KCNJ16: variants seen among roughly 807,000 people sequenced by gnomAD.
KCNJ16 encodes potassium inwardly rectifying channel subfamily J member 16.
Under a neutral mutation model 18.5 loss-of-function variants are expected in KCNJ16, and 15 were observed. The ratio of observed to expected loss-of-function variants is 0.81; its 90% CI spans 0.54 to 1.25. The LOEUF is 1.25. KCNJ16 is among the 50% of genes most tolerant of loss of function. KCNJ16 has a pLI of 0.00. For missense variants in KCNJ16, 523 were observed against 525.7 expected (o/e 0.99, Z 0.05); for synonymous variants, 174 against 186.5 (o/e 0.93, Z 0.55).
chr17:70,119,905 A>G (rs2073563205), intron 2 of KCNJ16, among the ~76,000 whole-genome samples: 1 of 152,220 alleles, frequency 6.6e-6, no homozygotes, highest in Non-Finnish European at 1.5e-5. Context: ...CTCCCCAAAA[A>G]GCCTTTCCTT....
At chr17:70,096,054 T>G (rs2072356644) in intron 1 of KCNJ16, among the ~76,000 whole-genome samples, 1 of 151,816 alleles carries the variant, frequency 6.6e-6, no homozygotes, top group Non-Finnish European at 1.5e-5. Context: ...GGCTAATTTT[T>G]TGTATTTTTG....
At chr17:70,092,743 A>G (rs12709249) in intron 1 of KCNJ16, among the ~76,000 whole-genome samples, 129,096 of 152,132 alleles carry the variant, frequency 0.85, 54,851 homozygotes, top group East Asian at 0.96. Context: ...AGAATTTTGG[A>G]AGCCAATGGT....
At chr17:70,118,240 C>G (rs2073488853) in intron 2 of KCNJ16, among the ~76,000 whole-genome samples, 1 of 151,932 alleles carries the variant, frequency 6.6e-6, no homozygotes. Flanking sequence ...AGGGGAACAT[C>G]ACACACTGGG....
At chr17:70,094,599 A>G (rs1294359815) in intron 1 of KCNJ16, among the ~76,000 whole-genome samples, 1 of 146,294 alleles carries the variant, frequency 6.8e-6, no homozygotes, top group Non-Finnish European at 1.5e-5. Flanking sequence ...GCACTTATTT[A>G]TTAGTCAATG....
At chr17:70,118,380 C>T (rs912686421) in intron 2 of KCNJ16, among the ~76,000 whole-genome samples, 1 of 151,286 alleles carries the variant, frequency 6.6e-6, no homozygotes. Context: ...GCATGTTCTG[C>T]ACATGTATCC....
chr17:70,122,012 C>G (rs2073659896), intron 2 of KCNJ16, among the ~76,000 whole-genome samples: 1 of 151,934 alleles, frequency 6.6e-6, no homozygotes, highest in East Asian at 1.9e-4. Context: ...AAATAGGAGA[C>G]CTCTTAGGAA....
Position 70,119,824 on chromosome 17 carries a change from AGCACTTGGCTCCCTTTTAGTTAT to A in KCNJ16, c.-190-11050_-190-11028del, listed in dbSNP as rs578211958. ...GCCTTTTCCCATTGTGCTGGATATT[AGCACTTGGCTCCCTTTTAGTTAT>A]GCACATATCTCTAGCAAGTGGTTGC... On this transcript the variant is annotated intron_variant, in intron 2 of 3. Transcript: ENST00000392671. Among the ~76,000 whole-genome samples, 406 of 152,338 alleles carry A rather than the reference AGCACTTGGCTCCCTTTTAGTTAT, an allele frequency of 2.7e-3. 1 individual carries two copies. Among genetic ancestry groups the A allele is most frequent in the African/African-American group, 9.3e-3 (388 of 41,580 alleles).
At chr17:70,084,415 G>T (rs964247558) in intron 1 of KCNJ16, among the ~76,000 whole-genome samples, 1 of 152,168 alleles carries the variant, frequency 6.6e-6, no homozygotes, top group Non-Finnish European at 1.5e-5. Context: ...AGAACGGCTT[G>T]CTTCTTTAAC....
At chr17:70,108,374 C>T (rs1293727548) in intron 2 of KCNJ16, 1 of 152,138 alleles carries the variant, frequency 6.6e-6, no homozygotes, top group African/African-American at 2.4e-5. Context: ...CAGTTGAGGT[C>T]AGGGAAGGTA....
intron 1 of KCNJ16, among the ~76,000 whole-genome samples, chr17:70,092,517 G>GATAGATAC (rs1567782349): frequency 2.5e-5 from 1 of 39,682 alleles, no homozygotes; most frequent in African/African-American, 9.2e-5. Flanking sequence ...TAGATAGATA[G>GATAGATAC]ATAGATACAT....
intron 2 of KCNJ16, among the ~76,000 whole-genome samples, chr17:70,106,982 A>G (rs145672510): frequency 1.3e-5 from 2 of 152,118 alleles, no homozygotes; most frequent in South Asian, 4.1e-4. Context: ...CTTTTTCCTG[A>G]TGGTTTCTTC....
intron 1 of KCNJ16, among the ~76,000 whole-genome samples, chr17:70,083,899 G>C (rs2071672079): frequency 6.6e-6 from 1 of 152,154 alleles, no homozygotes; most frequent in South Asian, 2.1e-4. Context: ...GTGAGGATTA[G>C]CTAGAAGCCA....
At chr17:70,121,708 T>A (rs2073646457) in intron 2 of KCNJ16, among the ~76,000 whole-genome samples, 1 of 152,022 alleles carries the variant, frequency 6.6e-6, no homozygotes, top group Non-Finnish European at 1.5e-5. Flanking sequence ...GGCCAGCAGA[T>A]CACTTGAGGC....
At chr17:70,103,909 G>A (rs2072787906) in intron 2 of KCNJ16, among the ~76,000 whole-genome samples, 1 of 150,788 alleles carries the variant, frequency 6.6e-6, no homozygotes, top group Non-Finnish European at 1.5e-5. Flanking sequence ...GCTATTTATT[G>A]GGTAATGGTT....
intron 2 of KCNJ16, among the ~76,000 whole-genome samples, chr17:70,129,572 G>A (rs986538321): frequency 1.3e-5 from 2 of 152,172 alleles, no homozygotes; most frequent in Admixed American, 1.3e-4. Context: ...TATCGTTGGA[G>A]AGTCAAGAAA....
chr17:70,113,291 T>C (rs981134055), intron 2 of KCNJ16, among the ~76,000 whole-genome samples: 2 of 152,138 alleles, frequency 1.3e-5, no homozygotes, highest in African/African-American at 2.4e-5. Context: ...TCTAGCAGCG[T>C]CTTTCTCACT....
At chr17:70,089,013 G>A (rs1311042678) in intron 1 of KCNJ16, among the ~76,000 whole-genome samples, 1 of 151,998 alleles carries the variant, frequency 6.6e-6, no homozygotes, top group African/African-American at 2.4e-5. Context: ...TTTTAGTCTC[G>A]TTTCCACCAG....
chr17:70,130,995 C>T lies in KCNJ16; in HGVS notation c.-94+20C>T. 6.5e-7 allele frequency: 1 copy of T among 1,533,332 alleles called. No individual in the cohort carries two copies. Among genetic ancestry groups the T allele is most frequent in the Middle Eastern group, 1.7e-4 (1 of 5,986 alleles). The allele number at this position is 1,533,332 out of a possible 1,614,324, so 95.0% of individuals were successfully genotyped here. A position where few individuals can be genotyped will look rare whatever the true frequency, so the allele number is the denominator to read the frequency against. On this transcript the variant is annotated intron_variant, in intron 3 of 3. Coordinates refer to ENST00000392671, the MANE Select transcript of KCNJ16 (RefSeq NM_170741.4). ...AAAATGGTAAGAGCTGCATGTTCTG[C>T]CTTGATGTTTTCAAGACTGAATTTG... is the stretch of plus-strand genomic sequence containing the variant.
intron 2 of KCNJ16, among the ~76,000 whole-genome samples, chr17:70,117,416 T>A (rs1276597678): frequency 1.3e-5 from 2 of 152,002 alleles, no homozygotes; most frequent in Non-Finnish European, 2.9e-5. Flanking sequence ...TATACCTGAA[T>A]AACAAACTTC....
Sources: allele counts gnomAD v4.1 joint callset (sites outside exome capture counted in the v4.1 genomes callset), GRCh38; gene constraint gnomAD v4.1.1; transcripts MANE v1.5; gene names NCBI Gene and HGNC (gene_info 2026-07-23, HGNC 2026-07-21).